Variants in PCLO observed in about 807,000 individuals in gnomAD.
The protein encoded by PCLO is piccolo presynaptic cytomatrix protein.
PCLO carries 82 observed loss-of-function variants against 427.5 expected under a neutral mutation model. The ratio of observed to expected loss-of-function variants is 0.19; its 90% confidence interval spans 0.16 to 0.23. The LOEUF (loss-of-function observed/expected upper bound fraction) is 0.23, where lower values mean the gene tolerates loss of function less well. Ranked by LOEUF, PCLO falls within the 10% of genes least tolerant of loss-of-function variation. PCLO has a pLI of 1.00. For synonymous variants in PCLO, 2,357 were observed against 2,155.4 expected (o/e 1.09, Z -2.59); for missense variants, 6,239 against 6,115.9 (o/e 1.02, Z -0.67).
intron 3 of PCLO, among the ~76,000 whole-genome samples, chr7:83,072,037 T>A (rs1391502739): frequency 1.3e-5 from 2 of 152,056 alleles, no homozygotes; most frequent in Non-Finnish European, 2.9e-5. Context: ...TAAGTTTAAT[T>A]TATATTTTGT....
At chr7:82,777,532 C>T (rs1790780485) in intron 22 of PCLO, among the ~76,000 whole-genome samples, 1 of 152,152 alleles carries the variant, frequency 6.6e-6, no homozygotes. Flanking sequence ...ACCAAAACAG[C>T]ATGGCACTGG....
chr7:83,060,525 C>T (rs1486561076), intron 3 of PCLO, among the ~76,000 whole-genome samples: 1 of 152,158 alleles, frequency 6.6e-6, no homozygotes, highest in East Asian at 1.9e-4. Context: ...ATGACCTCAC[C>T]ACTGTACCTT....
intron 3 of PCLO, among the ~76,000 whole-genome samples, chr7:83,077,953 A>C (rs1789998950): frequency 6.6e-6 from 1 of 152,132 alleles, no homozygotes; most frequent in Non-Finnish European, 1.5e-5. Flanking sequence ...TTGATGGAGA[A>C]GGGTAGGACA....
At chr7:83,097,287 C>A (rs1488314079) in intron 3 of PCLO, among the ~76,000 whole-genome samples, 1 of 141,426 alleles carries the variant, frequency 7.1e-6, no homozygotes, top group Non-Finnish European at 1.5e-5. Context: ...CTTTGGGAGG[C>A]TGAGGTGGGC....
chr7:82,935,848 G>C (rs1350258728), intron 6 of PCLO, among the ~76,000 whole-genome samples: 1 of 151,602 alleles, frequency 6.6e-6, no homozygotes, highest in African/African-American at 2.4e-5. Context: ...CAAAAATTAA[G>C]CTGGCAAAAA....
rs745993026 is a variant in PCLO at position 82,966,137 on chromosome 7, T to C, written c.3651A>G (p.Glu1217=). 1.2e-6 allele frequency: 2 copies of C among 1,605,554 alleles called. No homozygotes were observed. Among genetic ancestry groups the C allele is most frequent in the South Asian group, 2.3e-5 (2 of 88,870 alleles). Residue 1217 remains glutamate, a synonymous_variant, in exon 4 of 25, where the codon GAA becomes GAG. Transcript: ENST00000333891. The part of the protein sequence containing the change: ...ALQEKKPLPE[E]KKLIPEEEKI... ...TTTCTTCTTCAGGGATTAGTTTTTT[T>C]TCTTCAGGGAGTGGCTTTTTTTCTT...
intron 16 of PCLO, among the ~76,000 whole-genome samples, chr7:82,831,969 T>C (rs1266612548): frequency 6.6e-6 from 1 of 152,104 alleles, no homozygotes. Context: ...GAGTTGAAGG[T>C]AGGCAGGTAA....
chr7:82,953,688 G>C lies in PCLO; in HGVS notation c.7265C>G (p.Pro2422Arg). 8.5e-7 allele frequency: 1 copy of C among 1,180,790 alleles called. No homozygotes were observed. The highest frequency in any genetic ancestry group is 1.2e-6 in the Non-Finnish European group (1 of 837,352). 73.1% of individuals were successfully genotyped at this position (1,180,790 alleles called of 1,614,324 possible). Reference protein sequence around the residue: ...PPPPPPPPPPPPPPPLPPPTS... With the variant: ...PPPPPPPPPPRPPPPLPPPTS... ...TGGTGGAGGAAGTGGTGGGGGAGGA[G>C]GGGGTGGTGGTGGAGGAGGAGGAGG... The change falls in exon 5 of 25, where the codon CCT (proline) becomes CGT (arginine). Residue 2422 changes from proline to arginine, a missense_variant. Coordinates refer to ENST00000333891, the MANE Select transcript of PCLO (RefSeq NM_033026.6).
chr7:83,002,504 A>G (rs1787848339), intron 3 of PCLO, among the ~76,000 whole-genome samples: 1 of 152,032 alleles, frequency 6.6e-6, no homozygotes, highest in African/African-American at 2.4e-5. Context: ...CTAAAATCAT[A>G]CTTCAATTTA....
At chr7:83,104,768 G>A (rs1293353434) in intron 3 of PCLO, among the ~76,000 whole-genome samples, 2 of 151,786 alleles carry the variant, frequency 1.3e-5, no homozygotes, top group Admixed American at 6.6e-5. Context: ...TTTTTCTATT[G>A]ACTTGAGATC....
intron 6 of PCLO, among the ~76,000 whole-genome samples, chr7:82,924,296 C>T (rs1278543778): frequency 2.0e-5 from 3 of 152,050 alleles, no homozygotes; most frequent in African/African-American, 7.2e-5. Flanking sequence ...GATTATCTTG[C>T]CTTGTTATAA....
chr7:82,801,770 A>G (rs1271303116), intron 21 of PCLO, among the ~76,000 whole-genome samples, 179 bp from the exon 22 acceptor site: 1 of 152,190 alleles, frequency 6.6e-6, no homozygotes, highest in African/African-American at 2.4e-5. Flanking sequence ...TACACAGTTA[A>G]TTGCTCTATA....
At chr7:82,899,979 T>C (rs1325818795) in intron 9 of PCLO, among the ~76,000 whole-genome samples, 1 of 151,678 alleles carries the variant, frequency 6.6e-6, no homozygotes, top group Non-Finnish European at 1.5e-5. Flanking sequence ...AAATACTATG[T>C]TGTTTTGCTT....
At chr7:83,127,269 A>G (rs1791460708) in intron 3 of PCLO, among the ~76,000 whole-genome samples, 1 of 152,104 alleles carries the variant, frequency 6.6e-6, no homozygotes, top group Non-Finnish European at 1.5e-5. Flanking sequence ...AGTGAAAAAA[A>G]ATCAATGAAA....
In PCLO at chr7:83,113,270, G is replaced by A. The variant is rs377219089; in HGVS notation, c.3300+20980C>T. ...TATTGAATGATTTTGAAGCCCTAAT[G>A]ATCTGGCACCATAGTCACCATCTGG... is the stretch of plus-strand genomic sequence containing the variant. On this transcript the variant is annotated intron_variant, in intron 3 of 24. Transcript: ENST00000333891. Among the ~76,000 whole-genome samples the A allele has an allele frequency of 5.3e-5, 8 of 152,280 alleles. No homozygotes were observed. In the South Asian group the frequency reaches 1.4e-3, roughly 28 times the overall value.
At chr7:82,887,465 T>A (rs1268525010) in intron 9 of PCLO, among the ~76,000 whole-genome samples, 1 of 152,224 alleles carries the variant, frequency 6.6e-6, no homozygotes, top group Admixed American at 6.5e-5. Context: ...TATCCTTGAA[T>A]ATTGTGAATG....
At chr7:83,091,386 T>G (rs2116439982) in intron 3 of PCLO, among the ~76,000 whole-genome samples, 1 of 152,268 alleles carries the variant, frequency 6.6e-6, no homozygotes, top group Middle Eastern at 3.4e-3. Flanking sequence ...GAAGAAAATG[T>G]CAGTACTTTG....
rs1584101194 is a variant in PCLO at position 83,157,594 on chromosome 7, T to C, written c.249-1202A>G. 4.0e-5 allele frequency among the ~76,000 whole-genome samples: 6 copies of C among 151,854 alleles called. No homozygotes were observed. The South Asian group carries it at 1.2e-3, about 32-fold the overall frequency. On this transcript the variant is annotated intron_variant, in intron 1 of 24. Coordinates refer to ENST00000333891, the MANE Select transcript of PCLO (RefSeq NM_033026.6). Reference sequence around the variant, plus strand: ...GTTAAATAATTAAAATAGGAGTTTCTTATTTTTTATATATCTATTGTTTTA... The same window carrying C: ...GTTAAATAATTAAAATAGGAGTTTCCTATTTTTTATATATCTATTGTTTTA...
intron 3 of PCLO, among the ~76,000 whole-genome samples, chr7:83,092,992 A>G (rs921825953): frequency 6.6e-6 from 1 of 151,732 alleles, no homozygotes; most frequent in African/African-American, 2.4e-5. Flanking sequence ...ATGGATATCA[A>G]ATAATATTAT....
Sources: allele counts gnomAD v4.1 joint callset (sites outside exome capture counted in the v4.1 genomes callset), GRCh38; gene constraint gnomAD v4.1.1; transcripts MANE v1.5; gene names NCBI Gene and HGNC (gene_info 2026-07-23, HGNC 2026-07-21).